LIMS1: variants seen among roughly 807,000 people sequenced by gnomAD.
The protein encoded by LIMS1 is LIM zinc finger domain containing 1.
Under a neutral mutation model 44.1 loss-of-function variants are expected in LIMS1, and 18 were observed. The ratio of observed to expected loss-of-function variants is 0.41; its 90% CI spans 0.28 to 0.61. The LOEUF is 0.61. Among genes scored for constraint, LIMS1 ranks in the 20% least tolerant of loss-of-function variants. LIMS1 has a pLI of 0.32. For missense variants in LIMS1, 201 were observed against 422.0 expected (o/e 0.48, Z 4.59); for synonymous variants, 93 against 149.1 (o/e 0.62, Z 2.74).
At chr2:108,534,804 T>G (rs1684068318) in intron 1 of LIMS1, among the ~76,000 whole-genome samples, 1 of 151,636 alleles carries the variant, frequency 6.6e-6, no homozygotes, top group African/African-American at 2.4e-5. Context: ...CACTCCCGGG[T>G]GTCCGCGGTG....
intron 1 of LIMS1, among the ~76,000 whole-genome samples, chr2:108,598,389 A>T (rs1441789431): frequency 6.6e-6 from 1 of 152,218 alleles, no homozygotes; most frequent in Non-Finnish European, 1.5e-5. Context: ...AAATTAACAT[A>T]AACTGTGACT....
At chr2:108,599,648 G>A (rs555579312) in intron 1 of LIMS1, among the ~76,000 whole-genome samples, 1 of 152,108 alleles carries the variant, frequency 6.6e-6, no homozygotes, top group Non-Finnish European at 1.5e-5. Context: ...CACCAACAGG[G>A]TACAAGGGTT....
intron 1 of LIMS1, among the ~76,000 whole-genome samples, chr2:108,634,335 G>A (rs1312046026): frequency 6.6e-6 from 1 of 152,216 alleles, no homozygotes; most frequent in Non-Finnish European, 1.5e-5. Context: ...AATGGGGAAT[G>A]GGAGAGAGGT....
chr2:108,542,053 A>ATT (rs1170375590), intron 1 of LIMS1, among the ~76,000 whole-genome samples: 1 of 152,188 alleles, frequency 6.6e-6, no homozygotes, highest in Non-Finnish European at 1.5e-5. Flanking sequence ...AGTAGGCTTT[A>ATT]TTTCTCCTTT....
At chr2:108,675,062 T>G (rs1196659233) in intron 5 of LIMS1, among the ~76,000 whole-genome samples, 7 of 152,108 alleles carry the variant, frequency 4.6e-5, no homozygotes, top group Non-Finnish European at 8.8e-5. Flanking sequence ...CCTATAACTA[T>G]TTTCAACAGC....
chr2:108,616,688 A>G (rs551477974), intron 1 of LIMS1, among the ~76,000 whole-genome samples: 6 of 152,260 alleles, frequency 3.9e-5, no homozygotes, highest in Middle Eastern at 3.4e-3. Flanking sequence ...TTGTGGACAG[A>G]TGCTTCTGCC....
intron 1 of LIMS1, among the ~76,000 whole-genome samples, chr2:108,647,610 T>C (rs1690164246): frequency 6.6e-6 from 1 of 152,176 alleles, no homozygotes; most frequent in South Asian, 2.1e-4. Context: ...AAAAAGCTTA[T>C]CCACTTCAGT....
intron 1 of LIMS1, among the ~76,000 whole-genome samples, chr2:108,649,885 G>T (rs1573552465): frequency 6.6e-6 from 1 of 152,168 alleles, no homozygotes; most frequent in African/African-American, 2.4e-5. Flanking sequence ...GTTGATGGGT[G>T]CAGCAAACCA....
At chr2:108,554,623 C>T (rs1684860708) in intron 1 of LIMS1, among the ~76,000 whole-genome samples, 1 of 152,174 alleles carries the variant, frequency 6.6e-6, no homozygotes, top group Non-Finnish European at 1.5e-5. Flanking sequence ...CTGGATGCCT[C>T]AGGGTAATTT....
intron 1 of LIMS1, among the ~76,000 whole-genome samples, chr2:108,543,298 G>A (rs1484207199): frequency 1.1e-4 from 17 of 152,168 alleles, no homozygotes; most frequent in Admixed American, 9.8e-4. Context: ...GGGCATGGTG[G>A]CACGTGCCCG....
intron 1 of LIMS1, among the ~76,000 whole-genome samples, chr2:108,602,993 C>T (rs1687090367): frequency 6.6e-6 from 1 of 152,128 alleles, no homozygotes; most frequent in African/African-American, 2.4e-5. Context: ...TGGTACCCAG[C>T]CAGGCTGGTC....
At chr2:108,584,818 G>A (rs888672444) in intron 1 of LIMS1, among the ~76,000 whole-genome samples, 6 of 151,992 alleles carry the variant, frequency 3.9e-5, no homozygotes, top group African/African-American at 1.5e-4. Flanking sequence ...TAAAGTGAGC[G>A]GCAGGAAGTG....
At chr2:108,673,265 C>T (rs1289356929) in intron 5 of LIMS1, 7 of 618,094 alleles carry the variant, frequency 1.1e-5, no homozygotes, top group South Asian at 1.0e-4. Context: ...TCTCGTTTCA[C>T]CCTCCTATGT....
At chr2:108,569,022 G>A (rs1019145520) in intron 1 of LIMS1, among the ~76,000 whole-genome samples, 1 of 152,112 alleles carries the variant, frequency 6.6e-6, no homozygotes. Context: ...CTCCCGGGAA[G>A]CTGAGACTAC....
chr2:108,539,366 C>T lies in LIMS1; in HGVS notation c.32+4772C>T, dbSNP rs1039415912. 7.2e-5 allele frequency among the ~76,000 whole-genome samples: 11 copies of T among 152,236 alleles called. No individual in the cohort carries two copies. The South Asian group carries it at 1.0e-3, about 14-fold the overall frequency. ...TCTCAAAGTTCTGGGATTACAGGCG[C>T]GAGCCACTGCACCCAGCTACCAGAG... On this transcript the variant is annotated intron_variant, in intron 1 of 9. Transcript: ENST00000544547.
intron 2 of LIMS1, among the ~76,000 whole-genome samples, chr2:108,664,083 T>C (rs1234290007): frequency 1.3e-5 from 2 of 152,168 alleles, no homozygotes; most frequent in East Asian, 3.9e-4. Flanking sequence ...TGAGTAGTCT[T>C]GTAGCAAGAT....
intron 1 of LIMS1, among the ~76,000 whole-genome samples, chr2:108,651,118 G>T (rs1283929545): frequency 1.3e-5 from 2 of 152,100 alleles, no homozygotes; most frequent in Non-Finnish European, 2.9e-5. Context: ...CTGAAACCCC[G>T]GGGCCTGTTT....
intron 1 of LIMS1, among the ~76,000 whole-genome samples, chr2:108,644,956 A>G (rs1689960971): frequency 6.6e-6 from 1 of 152,068 alleles, no homozygotes; most frequent in African/African-American, 2.4e-5. Context: ...GAGGGAAAAA[A>G]GTGAAAAGAA....
chr2:108,650,746 C>CCA (rs1690422174), intron 1 of LIMS1, among the ~76,000 whole-genome samples: 1 of 152,200 alleles, frequency 6.6e-6, no homozygotes, highest in Admixed American at 6.5e-5. Context: ...CATTCCATGG[C>CCA]CACACTGTTA....
Sources: allele counts gnomAD v4.1 joint callset (sites outside exome capture counted in the v4.1 genomes callset), GRCh38; gene constraint gnomAD v4.1.1; transcripts MANE v1.5; gene names NCBI Gene and HGNC (gene_info 2026-07-23, HGNC 2026-07-21).